Variants in OCIAD1 observed in about 807,000 individuals in gnomAD.
The protein encoded by OCIAD1 is OCIA domain containing 1.
Under a neutral mutation model 38.9 loss-of-function variants are expected in OCIAD1, and 29 were observed. The ratio of observed to expected loss-of-function variants is 0.74; its 90% confidence interval spans 0.55 to 1.02. The LOEUF is 1.02. Among genes scored for constraint, OCIAD1 ranks in the 50% least tolerant of loss-of-function variants. The pLI is 0.00. For missense variants in OCIAD1, 288 were observed against 289.6 expected, an observed-to-expected ratio of 0.99 and a Z score of 0.04; for synonymous variants, 110 against 92.0, an observed-to-expected ratio of 1.20 and a Z score of -1.12.
intron 4 of OCIAD1, among the ~76,000 whole-genome samples, chr4:48,843,303 G>A (rs1252525052): frequency 6.6e-6 from 1 of 152,156 alleles, no homozygotes; most frequent in African/African-American, 2.4e-5. Context: ...AAATGTAGTG[G>A]AGTAAGCAGT....
chr4:48,818,114 G>A (rs1350077072), intron 1 of OCIAD1, among the ~76,000 whole-genome samples: 1 of 152,212 alleles, frequency 6.6e-6, no homozygotes, highest in Admixed American at 6.5e-5. Flanking sequence ...TGACCTCTGT[G>A]CCTCCTGACT....
chr4:48,850,993 G>T (rs1021599359), intron 6 of OCIAD1, among the ~76,000 whole-genome samples: 2 of 152,148 alleles, frequency 1.3e-5, no homozygotes, highest in African/African-American at 4.8e-5. Context: ...CTTTTCTTTT[G>T]AATTCCCAAA....
chr4:48,851,322 GGACT>G (rs1779435147), intron 6 of OCIAD1, among the ~76,000 whole-genome samples: 1 of 152,216 alleles, frequency 6.6e-6, no homozygotes, highest in Non-Finnish European at 1.5e-5. Context: ...AAGTGGGTCA[GGACT>G]TTTTAAAAGT....
intron 7 of OCIAD1, 164 bp from the exon 8 acceptor site, chr4:48,857,049 G>A (rs1780103492): frequency 2.7e-6 from 1 of 370,540 alleles, no homozygotes; most frequent in Non-Finnish European, 4.9e-6. Context: ...TCAGTTTGAT[G>A]ATTATCTTGG....
intron 1 of OCIAD1, among the ~76,000 whole-genome samples, chr4:48,825,073 G>A (rs1777235623): frequency 6.6e-6 from 1 of 152,174 alleles, no homozygotes; most frequent in African/African-American, 2.4e-5. Context: ...AATAATGAAG[G>A]AACTGTAATT....
Position 48,857,327 on chromosome 4 carries a change from C to T in OCIAD1, c.662C>T (p.Ser221Leu). ...TCTTTAACACAAAAGACTGACCCCTCAGTCAGGCCTATGCATGAAAGAGTG... is the reference window on the plus strand; with the variant it reads ...TCTTTAACACAAAAGACTGACCCCTTAGTCAGGCCTATGCATGAAAGAGTG... ...EVSLTQKTDP[S>L]VRPMHERVPK... The change falls in exon 8 of 9, where the codon TCA becomes TTA. Residue 221 changes from serine (S) to leucine (L), a missense_variant. Ser to Leu is a moderately radical substitution (Grantham distance 145). Transcript: ENST00000264312. 6.3e-7 allele frequency: 1 copy of T among 1,594,080 alleles called. No individual in the cohort carries two copies. The highest frequency in any genetic ancestry group is 1.1e-5 in the South Asian group (1 of 87,426).
intron 7 of OCIAD1, chr4:48,856,199 C>G (rs1780027257): frequency 6.6e-6 from 1 of 151,500 alleles, no homozygotes; most frequent in Non-Finnish European, 1.5e-5. Flanking sequence ...ACATTTGACT[C>G]TATGATAATA....
intron 4 of OCIAD1, among the ~76,000 whole-genome samples, chr4:48,846,318 C>A (rs556797764): frequency 5.0e-4 from 76 of 152,330 alleles, no homozygotes; most frequent in African/African-American, 1.7e-3. Context: ...TACATGAAAT[C>A]ATACACTGAA....
At chr4:48,809,688 A>G (rs1380832445) in intron 1 of OCIAD1, among the ~76,000 whole-genome samples, 2 of 152,074 alleles carry the variant, frequency 1.3e-5, no homozygotes, top group Non-Finnish European at 2.9e-5. Context: ...CATTTGTAGG[A>G]TGCCCAAGCA....
At chr4:48,826,577 G>A (rs1057510537), upstream of OCIAD1, among the ~76,000 whole-genome samples, 4 of 151,950 alleles carry the variant, frequency 2.6e-5, no homozygotes, top group African/African-American at 9.7e-5. Context: ...ACAATTAAAA[G>A]CCTATGGAAT....
intron 1 of OCIAD1, among the ~76,000 whole-genome samples, chr4:48,812,987 A>G (rs1298339007): frequency 6.6e-6 from 1 of 152,198 alleles, no homozygotes; most frequent in Non-Finnish European, 1.5e-5. Context: ...CCTCTCAAGT[A>G]CAGGGCTGGT....
At chr4:48,830,613 C>T (rs1579042387), upstream of OCIAD1, 2 of 152,272 alleles carry the variant, frequency 1.3e-5, no homozygotes, top group East Asian at 3.9e-4. Flanking sequence ...ATCACGGTAC[C>T]CTGCCAGAGG....
At chr4:48,819,716 CAAAAAAA>C (rs576081813) in intron 1 of OCIAD1, among the ~76,000 whole-genome samples, 2 of 10,454 alleles carry the variant, frequency 1.9e-4, no homozygotes, top group East Asian at 2.5e-3. Flanking sequence ...TTACCAAGCG[CAAAAAAA>C]AAAAAAAAAA....
At chr4:48,842,502 G>T in intron 3 of OCIAD1, 134 bp from the exon 4 acceptor site, 1 of 629,446 alleles carries the variant, frequency 1.6e-6, no homozygotes, top group Non-Finnish European at 2.8e-6. Context: ...TTTAAAAATG[G>T]AACAGTCTTT....
At chr4:48,809,654 TTATTCTC>T (rs1457483326) in intron 1 of OCIAD1, among the ~76,000 whole-genome samples, 15 of 152,308 alleles carry the variant, frequency 9.8e-5, no homozygotes, top group Admixed American at 3.9e-4. Flanking sequence ...CTCTGCCACT[TTATTCTC>T]TAGCTATTAC....
intron 7 of OCIAD1, among the ~76,000 whole-genome samples, chr4:48,855,287 A>G (rs1242777246): frequency 1.3e-5 from 2 of 152,216 alleles, no homozygotes; most frequent in Admixed American, 1.3e-4. Context: ...TTCCTTCAGA[A>G]TTTTTAATAT....
intron 1 of OCIAD1, among the ~76,000 whole-genome samples, chr4:48,812,313 A>AAAAAAAAAAAAAAAAAAAC (rs1777097680): frequency 6.8e-6 from 1 of 146,352 alleles, no homozygotes; most frequent in South Asian, 2.1e-4. Flanking sequence ...AAAAAAAAAA[A>AAAAAAAAAAAAAAAAAAAC]AAAGAAAAGA....
At chr4:48,823,396 G>T (rs986662613) in intron 1 of OCIAD1, among the ~76,000 whole-genome samples, 1 of 151,838 alleles carries the variant, frequency 6.6e-6, no homozygotes, top group African/African-American at 2.4e-5. Context: ...GTTGGTGGGG[G>T]GGTAGGGGGC....
rs1202233078 is a variant in OCIAD1 at position 48,849,982 on chromosome 4, T to C, written c.277T>C (p.Ser93Pro). 1 of 1,611,480 alleles carries C rather than the reference T, an allele frequency of 6.2e-7. No homozygotes were observed. Among genetic ancestry groups the C allele is most frequent in the Non-Finnish European group, 8.5e-7 (1 of 1,179,368 alleles). ...CATGGGATACTTTGCTGGAAAACTT[T>C]CTTATGTGAAAACTTGCCAAGAGAA... ...CIMGYFAGKLSYVKTCQEKFK... is the reference protein window; with the variant it reads ...CIMGYFAGKLPYVKTCQEKFK... Residue 93 changes from serine (S) to proline (P), a missense_variant, in exon 6 of 9, where the codon TCT becomes CCT. Coordinates refer to ENST00000264312, the MANE Select transcript of OCIAD1 (RefSeq NM_017830.4).
Sources: allele counts gnomAD v4.1 joint callset (sites outside exome capture counted in the v4.1 genomes callset), GRCh38; gene constraint gnomAD v4.1.1; transcripts MANE v1.5; gene names NCBI Gene and HGNC (gene_info 2026-07-23, HGNC 2026-07-21).